SLC6A6: variants seen among roughly 807,000 people sequenced by gnomAD.
SLC6A6 encodes the protein solute carrier family 6 member 6, also known as sodium- and chloride-dependent taurine transporter.
Under a neutral mutation model 68.8 loss-of-function variants are expected in SLC6A6, and 16 were observed. That is an observed-to-expected ratio of 0.23 (90% confidence interval 0.16 to 0.35). The LOEUF is 0.35. Ranked by LOEUF, SLC6A6 falls within the 10% of genes least tolerant of loss-of-function variation. The pLI is 1.00. For synonymous variants in SLC6A6, 312 were observed against 315.4 expected, an observed-to-expected ratio of 0.99 and a Z score of 0.12; for missense variants, 474 against 802.8, an observed-to-expected ratio of 0.59 and a Z score of 4.95.
chr3:14,410,608 T>C (rs1699231226), intron 1 of SLC6A6, among the ~76,000 whole-genome samples: 1 of 152,216 alleles, frequency 6.6e-6, no homozygotes, highest in Admixed American at 6.5e-5. Context: ...AGCAGGTATC[T>C]GAGCAGGCCT....
intron 2 of SLC6A6, among the ~76,000 whole-genome samples, chr3:14,425,102 AC>A (rs1445412764): frequency 6.6e-6 from 1 of 152,224 alleles, no homozygotes; most frequent in Non-Finnish European, 1.5e-5. Flanking sequence ...TTTCTTGGGC[AC>A]AGAGTATCCT....
At chr3:14,453,302 T>C (rs1363669576) in intron 5 of SLC6A6, among the ~76,000 whole-genome samples, 3 of 152,244 alleles carry the variant, frequency 2.0e-5, no homozygotes, top group Non-Finnish European at 2.9e-5. Flanking sequence ...GAATCATTAC[T>C]ATTCTTGGAC....
chr3:14,475,052 G>A (rs1410763189), intron 10 of SLC6A6, among the ~76,000 whole-genome samples: 1 of 152,224 alleles, frequency 6.6e-6, no homozygotes, highest in Non-Finnish European at 1.5e-5. Context: ...TTTGTTTTGA[G>A]ATGGAGCCTT....
chr3:14,466,134 C>T (rs867626666), intron 6 of SLC6A6, among the ~76,000 whole-genome samples: 13 of 152,094 alleles, frequency 8.5e-5, no homozygotes, highest in Middle Eastern at 3.4e-3. Flanking sequence ...TGGTGGTGGG[C>T]ACCCGTAATC....
intron 2 of SLC6A6, among the ~76,000 whole-genome samples, chr3:14,435,455 C>T (rs1472631086): frequency 6.6e-6 from 1 of 152,190 alleles, no homozygotes; most frequent in Non-Finnish European, 1.5e-5. Context: ...AGATAACAAG[C>T]CCCTGTCCCA....
intron 2 of SLC6A6, among the ~76,000 whole-genome samples, chr3:14,436,945 A>G (rs1699870514): frequency 6.6e-6 from 1 of 152,112 alleles, no homozygotes; most frequent in Non-Finnish European, 1.5e-5. Context: ...CTGGCTCCTT[A>G]AAGACACCAG....
At chr3:14,424,031 T>G (rs958755176) in intron 2 of SLC6A6, among the ~76,000 whole-genome samples, 1 of 152,158 alleles carries the variant, frequency 6.6e-6, no homozygotes, top group Non-Finnish European at 1.5e-5. Flanking sequence ...TTGTTTTCCT[T>G]TGGCCTTTCT....
intron 2 of SLC6A6, among the ~76,000 whole-genome samples, chr3:14,423,612 C>A (rs1331960307): frequency 6.6e-6 from 1 of 152,170 alleles, no homozygotes; most frequent in African/African-American, 2.4e-5. Flanking sequence ...CTCTCAGAAC[C>A]ACCTTCCTGT....
chr3:14,445,918 C>T, intron 4 of SLC6A6, 67 bp downstream of exon 4: 1 of 1,542,764 alleles, frequency 6.5e-7, no homozygotes. Context: ...TATTGAGCAC[C>T]TATTGTCTGC....
intron 5 of SLC6A6, 72 bp from the exon 6 acceptor site, chr3:14,457,878 T>C: frequency 1.3e-6 from 2 of 1,507,174 alleles, no homozygotes; most frequent in Non-Finnish European, 1.8e-6. Flanking sequence ...AGCCTGTTAA[T>C]GTCCGAGCCT....
intron 3 of SLC6A6, chr3:14,444,080 T>C (rs1700057994): frequency 1.8e-6 from 1 of 541,028 alleles, no homozygotes. Context: ...GCAGGGCCTT[T>C]CTGTGTTACC....
chr3:14,486,499 G>A lies in SLC6A6; in HGVS notation c.*1492G>A, dbSNP rs1701169114. The A allele has an allele frequency of 6.6e-6, 1 of 152,660 alleles. No individual in the cohort carries two copies. The highest frequency in any genetic ancestry group is 1.5e-5 in the Non-Finnish European group (1 of 68,070). 9.5% of individuals were successfully genotyped at this position (152,660 alleles called of 1,614,324 possible). On this transcript the variant is annotated 3_prime_UTR_variant, in exon 15 of 15. Transcript: ENST00000622186. ...GGATTGTCAGGGTCCTGGCCCCTCA[G>A]AACTGGCTTGATCAAGGGCCTTATG...
At chr3:14,431,361 G>C (rs1339383803) in intron 2 of SLC6A6, among the ~76,000 whole-genome samples, 2 of 152,178 alleles carry the variant, frequency 1.3e-5, no homozygotes, top group Admixed American at 6.5e-5. Flanking sequence ...CATCGTGCTG[G>C]GCCTTGTATT....
At chr3:14,404,407 A>G (rs1574899369) in intron 1 of SLC6A6, among the ~76,000 whole-genome samples, 1 of 152,272 alleles carries the variant, frequency 6.6e-6, no homozygotes, top group East Asian at 1.9e-4. Context: ...TAGCACGGCT[A>G]AGAACCCCCA....
intron 10 of SLC6A6, among the ~76,000 whole-genome samples, chr3:14,476,439 C>T (rs1700880600): frequency 6.6e-6 from 1 of 152,184 alleles, no homozygotes; most frequent in South Asian, 2.1e-4. Flanking sequence ...TGAAATGTTA[C>T]CTACAGAGGG....
chr3:14,408,134 A>G (rs1475387574), intron 1 of SLC6A6, among the ~76,000 whole-genome samples: 1 of 152,198 alleles, frequency 6.6e-6, no homozygotes, highest in Non-Finnish European at 1.5e-5. Context: ...CTCTAGGACT[A>G]GAGCTGCTGG....
At chr3:14,434,052 T>C (rs546642677) in intron 2 of SLC6A6, among the ~76,000 whole-genome samples, 2 of 152,326 alleles carry the variant, frequency 1.3e-5, no homozygotes, top group East Asian at 3.9e-4. Flanking sequence ...GTTTCTTCAC[T>C]ATGTGCACCA....
In SLC6A6 at chr3:14,478,864, T is replaced by G. The variant is rs544531804; in HGVS notation, c.1451-221T>G. Reference sequence around the variant, plus strand: ...TTTGAGTTTGGGCTGTGCCTAAGATTGCACACCTAGGGTTTGGAGTGTGCC... The same window carrying G: ...TTTGAGTTTGGGCTGTGCCTAAGATGGCACACCTAGGGTTTGGAGTGTGCC... On this transcript the variant is annotated intron_variant, in intron 12 of 14. Transcript: ENST00000622186. 5.0e-6 allele frequency: 3 copies of G among 594,304 alleles called. No homozygotes were observed. The African/African-American group carries it at 5.6e-5, about 11-fold the overall frequency. The allele number at this position is 594,304 out of a possible 1,614,324, so 36.8% of individuals were successfully genotyped here.
At chr3:14,455,191 C>A (rs866267242) in intron 5 of SLC6A6, among the ~76,000 whole-genome samples, 1 of 152,212 alleles carries the variant, frequency 6.6e-6, no homozygotes, top group Non-Finnish European at 1.5e-5. Context: ...TGAGGTCCTA[C>A]AAAGGGACTA....
Sources: gnomAD v4.1 joint callset for allele counts (sites outside exome capture counted in the v4.1 genomes callset) on GRCh38, gnomAD v4.1.1 for gene constraint, MANE v1.5 for transcripts, NCBI Gene and HGNC (gene_info 2026-07-23, HGNC 2026-07-21) for gene names.